The following PRICKLE2 variants were observed in gnomAD, a reference collection of about 807,000 sequenced individuals.
PRICKLE2 encodes prickle-like protein 2.
A neutral mutation model predicts 81.4 loss-of-function variants in PRICKLE2; 21 were observed. That is an observed-to-expected ratio of 0.26 (90% CI 0.18 to 0.37). PRICKLE2 has a LOEUF of 0.37. PRICKLE2 is among the 10% of genes least tolerant of loss of function. The pLI is 1.00. For missense variants in PRICKLE2, 940 were observed against 1,109.0 expected, an observed-to-expected ratio of 0.85 and a Z score of 2.16; for synonymous variants, 456 against 421.5, an observed-to-expected ratio of 1.08 and a Z score of -1.00.
In PRICKLE2 at chr3:64,225,040, A is replaced by C; in HGVS notation, c.-171T>G. 1.0e-6 allele frequency: 1 copy of C among 985,444 alleles called. No individual in the cohort carries two copies. Among genetic ancestry groups the C allele is most frequent in the Non-Finnish European group, 1.2e-6 (1 of 830,068 alleles). 61.0% of individuals were successfully genotyped at this position (985,444 alleles called of 1,614,324 possible). A position where few individuals can be genotyped will look rare whatever the true frequency, so the allele number is the denominator to read the frequency against. On this transcript the variant is annotated 5_prime_UTR_variant, in exon 1 of 8. Coordinates refer to ENST00000638394, the MANE Select transcript of PRICKLE2 (RefSeq NM_198859.4). ...CGCAAGCAGGACCTCAGGCAGCCAA[A>C]GCATCTTCTCCTCAAACCCCCTTTT...
intron 1 of PRICKLE2, among the ~76,000 whole-genome samples, chr3:64,208,181 C>T (rs1455165167): frequency 6.6e-6 from 1 of 152,178 alleles, no homozygotes; most frequent in Non-Finnish European, 1.5e-5. Flanking sequence ...AATGAAAGGA[C>T]AGTGGCTGTT....
intron 7 of PRICKLE2, among the ~76,000 whole-genome samples, chr3:64,123,872 A>G (rs888131062): frequency 3.3e-5 from 5 of 152,158 alleles, no homozygotes; most frequent in African/African-American, 1.2e-4. Context: ...CAATATTGAA[A>G]TTAGGCCAAT....
chr3:64,113,549 C>T (rs1170945270), intron 7 of PRICKLE2, among the ~76,000 whole-genome samples: 5 of 152,254 alleles, frequency 3.3e-5, no homozygotes, highest in East Asian at 3.9e-4. Flanking sequence ...GCAGCTTCCC[C>T]GGGGCCCATG....
rs1044268884 is a variant in PRICKLE2, at chr3:64,225,127, G to A, written c.-258C>T. ...AGCCGAGCTGCTCCACATTCCCTCA[G>A]GGAAAACAGCACTGCTGGATCCAGA... On this transcript the variant is annotated 5_prime_UTR_variant, in exon 1 of 8. Coordinates refer to ENST00000638394, the MANE Select transcript of PRICKLE2 (RefSeq NM_198859.4). 1.1e-4 allele frequency: 104 copies of A among 985,334 alleles called. No homozygotes were observed. In the African/African-American group the frequency reaches 1.7e-3, roughly 16 times the overall value. The allele number at this position is 985,334 out of a possible 1,614,324, so 61.0% of individuals were successfully genotyped here.
intron 2 of PRICKLE2, among the ~76,000 whole-genome samples, chr3:64,252,722 C>G (rs1207288924): frequency 6.6e-6 from 1 of 152,104 alleles, no homozygotes; most frequent in Non-Finnish European, 1.5e-5. Context: ...AAGTCATTTC[C>G]TTTCTCTGGA....
intron 2 of PRICKLE2, among the ~76,000 whole-genome samples, chr3:64,249,475 T>C (rs1406347200): frequency 6.6e-6 from 1 of 152,164 alleles, no homozygotes; most frequent in Admixed American, 6.5e-5. Flanking sequence ...GTAACTGTAG[T>C]AGACTTGCAA....
At chr3:64,164,323 C>A (rs979850158) in intron 2 of PRICKLE2, among the ~76,000 whole-genome samples, 2 of 152,026 alleles carry the variant, frequency 1.3e-5, no homozygotes, top group Admixed American at 6.5e-5. Context: ...GGCAACAGAG[C>A]AAGACTCTTT....
intron 5 of PRICKLE2, among the ~76,000 whole-genome samples, chr3:64,156,832 T>G (rs1419440537): frequency 6.6e-6 from 1 of 152,222 alleles, no homozygotes; most frequent in Non-Finnish European, 1.5e-5. Flanking sequence ...AGGGTTAATA[T>G]CTAAAGATGC....
chr3:64,160,268 C>T (rs771500898), intron 3 of PRICKLE2, among the ~76,000 whole-genome samples, 191 bp from the exon 4 acceptor site: 1 of 152,116 alleles, frequency 6.6e-6, no homozygotes, highest in East Asian at 1.9e-4. Context: ...ACTAAGATTG[C>T]GGACAGCCAA....
At chr3:64,224,768 G>A (rs1169455626) in intron 1 of PRICKLE2, 142 bp downstream of exon 1, 6 of 278,152 alleles carry the variant, frequency 2.2e-5, no homozygotes, top group Non-Finnish European at 3.3e-5. Flanking sequence ...GGGGTCGCAG[G>A]GCCACCAAAA....
intron 2 of PRICKLE2, among the ~76,000 whole-genome samples, chr3:64,172,335 C>T (rs1392800547): frequency 5.3e-5 from 8 of 152,168 alleles, no homozygotes; most frequent in Non-Finnish European, 7.4e-5. Context: ...CTTCATTTGA[C>T]AACAGTTTCA....
intron 2 of PRICKLE2, among the ~76,000 whole-genome samples, chr3:64,164,155 C>T (rs564242976): frequency 8.6e-5 from 13 of 152,032 alleles, no homozygotes; most frequent in African/African-American, 3.1e-4. Context: ...GGCGGGAGAA[C>T]CACCTGAGGG....
intron 1 of PRICKLE2, among the ~76,000 whole-genome samples, chr3:64,223,775 C>G (rs1294750182): frequency 6.6e-6 from 1 of 152,194 alleles, no homozygotes; most frequent in Non-Finnish European, 1.5e-5. Flanking sequence ...GACCCTCATC[C>G]TGACCCATCT....
intron 7 of PRICKLE2, among the ~76,000 whole-genome samples, chr3:64,144,865 C>T (rs1484116149): frequency 6.6e-6 from 1 of 152,174 alleles, no homozygotes; most frequent in East Asian, 1.9e-4. Context: ...GATGGCACCG[C>T]AACATCGAAC....
intron 4 of PRICKLE2, among the ~76,000 whole-genome samples, chr3:64,157,642 C>T (rs1209117540): frequency 2.0e-5 from 3 of 152,278 alleles, no homozygotes; most frequent in East Asian, 1.9e-4. Flanking sequence ...AGCACAATAA[C>T]GTACAGGGGC....
Position 64,147,777 on chromosome 3 carries a change from C to A in PRICKLE2, c.788-75G>T. 2.0e-6 allele frequency: 3 copies of A among 1,536,362 alleles called. No individual in the cohort carries two copies. The highest frequency in any genetic ancestry group is 1.1e-5 in the South Asian group (1 of 88,914). On this transcript the variant is annotated intron_variant, in intron 6 of 7. Coordinates refer to ENST00000638394, the MANE Select transcript of PRICKLE2 (RefSeq NM_198859.4). The surrounding 1 kb of genome is among the most constrained non-coding windows in gnomAD (Gnocchi z 5.0). ...GCACTGGGACGTGAAACACATAGCACCTTGGTTTGTCTCAGGATTCCAGGT... is the reference window on the plus strand; with the variant it reads ...GCACTGGGACGTGAAACACATAGCAACTTGGTTTGTCTCAGGATTCCAGGT...
At chr3:64,181,869 G>A (rs2078141238) in intron 2 of PRICKLE2, among the ~76,000 whole-genome samples, 2 of 152,166 alleles carry the variant, frequency 1.3e-5, no homozygotes, top group African/African-American at 4.8e-5. Context: ...ATATTGAGAT[G>A]CAGGCTACTC....
At chr3:64,148,766 A>C (rs766082105) in intron 6 of PRICKLE2, among the ~76,000 whole-genome samples, 1 of 152,188 alleles carries the variant, frequency 6.6e-6, no homozygotes, top group Non-Finnish European at 1.5e-5. Flanking sequence ...TCTGCCAGAA[A>C]GTATCATCCA....
chr3:64,199,679 TA>T (rs1450915243), intron 1 of PRICKLE2: 1 of 152,214 alleles, frequency 6.6e-6, no homozygotes, highest in Non-Finnish European at 1.5e-5. Flanking sequence ...CAGCCAAAGA[TA>T]AAAATCTCCC....
Sources: allele counts gnomAD v4.1 joint callset (sites outside exome capture counted in the v4.1 genomes callset), GRCh38; gene constraint gnomAD v4.1.1; non-coding constraint Gnocchi (gnomAD v3.1); transcripts MANE v1.5; gene names NCBI Gene and HGNC (gene_info 2026-07-23, HGNC 2026-07-21).